Variants in ZNF354B observed in about 807,000 individuals in gnomAD.
The protein encoded by ZNF354B is zinc finger protein 354B.
ZNF354B carries 10 observed loss-of-function variants against 12.9 expected under a neutral mutation model. The ratio of observed to expected loss-of-function variants is 0.77; its 90% CI spans 0.48 to 1.31. The LOEUF (loss-of-function observed/expected upper bound fraction) is 1.31. ZNF354B is among the 40% of genes most tolerant of loss of function. ZNF354B has a pLI of 0.00. For synonymous variants in ZNF354B, 260 were observed against 243.7 expected (o/e 1.07, Z -0.62); for missense variants, 614 against 711.7 (o/e 0.86, Z 1.56).
chr5:178,874,783 T>G (rs2114019957), intron 4 of ZNF354B, among the ~76,000 whole-genome samples: 1 of 152,336 alleles, frequency 6.6e-6, no homozygotes, highest in South Asian at 2.1e-4. Context: ...TGCAGTCTTT[T>G]GGAGGAAAGA....
intron 2 of ZNF354B, 32 bp downstream of exon 2, chr5:178,861,112 A>C: frequency 1.3e-6 from 1 of 760,722 alleles, no homozygotes; most frequent in South Asian, 1.5e-5. Flanking sequence ...ATCCCAGTGG[A>C]TGGATTTTCC....
Position 178,866,386 on chromosome 5 carries a change from C to G in ZNF354B, c.160+16C>G, listed in dbSNP as rs747636612. The G allele has an allele frequency of 8.7e-6, 14 of 1,601,936 alleles. No homozygotes were observed. The highest frequency in any genetic ancestry group is 1.2e-5 in the Non-Finnish European group (14 of 1,174,360). On this transcript the variant is annotated intron_variant, in intron 3 of 4. Transcript: ENST00000322434. Reference sequence around the variant, plus strand: ...GTCTCACTGGGTAAGGAAATTTCCCCTCTAGAAACAGAATTCAAAAATTGG... The same window carrying G: ...GTCTCACTGGGTAAGGAAATTTCCCGTCTAGAAACAGAATTCAAAAATTGG...
intron 4 of ZNF354B, among the ~76,000 whole-genome samples, chr5:178,881,888 A>G (rs1280856316): frequency 6.6e-6 from 1 of 152,188 alleles, no homozygotes; most frequent in Admixed American, 6.5e-5. Context: ...ACTTTTTAAT[A>G]TTATCTGCAA....
intron 4 of ZNF354B, among the ~76,000 whole-genome samples, chr5:178,871,367 C>T (rs1042210829): frequency 6.6e-6 from 1 of 152,198 alleles, no homozygotes; most frequent in African/African-American, 2.4e-5. Flanking sequence ...GTCATGCGTC[C>T]ATGTGGCTCA....
intron 4 of ZNF354B, among the ~76,000 whole-genome samples, chr5:178,871,789 T>G (rs1034058512): frequency 2.0e-5 from 3 of 152,182 alleles, no homozygotes; most frequent in Admixed American, 6.5e-5. Flanking sequence ...CTTGTTTTGT[T>G]TCTGGTTTGT....
intron 4 of ZNF354B, among the ~76,000 whole-genome samples, chr5:178,882,494 TACAC>T (rs1757731153): frequency 6.6e-6 from 1 of 152,232 alleles, no homozygotes; most frequent in African/African-American, 2.4e-5. Flanking sequence ...TGGTCACTCT[TACAC>T]ACTCACCCGC....
rs1247732130 is a variant in ZNF354B at position 178,884,345 on chromosome 5, A to C, written c.*54A>C. 1 of 1,500,756 alleles carries C rather than the reference A, an allele frequency of 6.7e-7. No individual in the cohort carries two copies. The highest frequency in any genetic ancestry group is 2.3e-5 in the Admixed American group (1 of 43,746). 93.0% of individuals were successfully genotyped at this position (1,500,756 alleles called of 1,614,324 possible). Reference sequence around the variant, plus strand: ...TACATGCTTGAGAGTGATTTATTAAATATAATGAATATGAGAAAACTCTTA... The same window carrying C: ...TACATGCTTGAGAGTGATTTATTAACTATAATGAATATGAGAAAACTCTTA... On this transcript the variant is annotated 3_prime_UTR_variant, in exon 5 of 5. Coordinates refer to ENST00000322434, the MANE Select transcript of ZNF354B (RefSeq NM_058230.3).
At chr5:178,879,505 G>T (rs1215566920) in intron 4 of ZNF354B, among the ~76,000 whole-genome samples, 1 of 152,008 alleles carries the variant, frequency 6.6e-6, no homozygotes, top group Non-Finnish European at 1.5e-5. Flanking sequence ...TCAGCCTCCT[G>T]AGTAGCTGGG....
At position 178,867,079 on chromosome 5, in the gene ZNF354B, G is replaced by C. The variant is rs1214591065; in HGVS notation, c.256+8G>C. The C allele has an allele frequency of 6.2e-7, 1 of 1,610,098 alleles. No individual in the cohort carries two copies. Among genetic ancestry groups the C allele is most frequent in the Non-Finnish European group, 8.5e-7 (1 of 1,177,776 alleles). ...CTGGTGTCTCCTCTCTAGGTAAGTGGGTGGCCCGAGGTGCTCGGGAATGGC... is the reference window on the plus strand; with the variant it reads ...CTGGTGTCTCCTCTCTAGGTAAGTGCGTGGCCCGAGGTGCTCGGGAATGGC... On this transcript the variant is annotated splice_region_variant and intron_variant, in intron 4 of 4. Coordinates refer to ENST00000322434, the MANE Select transcript of ZNF354B (RefSeq NM_058230.3).
Position 178,879,842 on chromosome 5 carries a change from A to G in ZNF354B, c.257-2867A>G, listed in dbSNP as rs200562646. Among the ~76,000 whole-genome samples the G allele has an allele frequency of 7.9e-5, 12 of 152,318 alleles. No homozygotes were observed. The East Asian group carries it at 2.3e-3, about 29-fold the overall frequency. On this transcript the variant is annotated intron_variant, in intron 4 of 4. Transcript: ENST00000322434. ...TTCGAGTATATATAAAAGTAGAGAG[A>G]ATAGGCTGGGCGTGGTGGCTCAAGC...
intron 4 of ZNF354B, among the ~76,000 whole-genome samples, chr5:178,876,235 G>A (rs945160390): frequency 7.2e-5 from 11 of 152,184 alleles, no homozygotes; most frequent in Admixed American, 6.5e-5. Flanking sequence ...GTCCCAGGTC[G>A]GGAGGCCCTG....
chr5:178,875,066 G>C (rs1757616616), intron 4 of ZNF354B, among the ~76,000 whole-genome samples: 1 of 152,164 alleles, frequency 6.6e-6, no homozygotes, highest in Admixed American at 6.5e-5. Context: ...CCAGTAGGTA[G>C]GCTCTTACTC....
chr5:178,872,255 AT>A (rs113126400), intron 4 of ZNF354B, among the ~76,000 whole-genome samples: 23,006 of 148,256 alleles, frequency 0.16, 2,146 homozygotes, highest in African/African-American at 0.27. Flanking sequence ...ACGTTATGGG[AT>A]TTTTTTTTTT....
At chr5:178,862,468 G>A (rs778147351) in intron 2 of ZNF354B, among the ~76,000 whole-genome samples, 3 of 148,052 alleles carry the variant, frequency 2.0e-5, no homozygotes, top group African/African-American at 2.5e-5. Flanking sequence ...CCTGGTTCAA[G>A]CAATTCCCCT....
intron 2 of ZNF354B, among the ~76,000 whole-genome samples, chr5:178,865,336 C>T (rs759839658): frequency 1.3e-5 from 2 of 151,976 alleles, no homozygotes; most frequent in East Asian, 1.9e-4. Flanking sequence ...GGCATGATCT[C>T]GGCTCAGTGC....
At chr5:178,880,880 T>C (rs1757706785) in intron 4 of ZNF354B, among the ~76,000 whole-genome samples, 1 of 139,288 alleles carries the variant, frequency 7.2e-6, no homozygotes, top group Non-Finnish European at 1.5e-5. Context: ...TGCACTCTTG[T>C]TGCCCAGGCT....
At chr5:178,874,237 A>G (rs908044916) in intron 4 of ZNF354B, among the ~76,000 whole-genome samples, 3 of 152,142 alleles carry the variant, frequency 2.0e-5, no homozygotes, top group African/African-American at 7.2e-5. Context: ...GATTACAGGC[A>G]TGAGCCACCA....
rs1228865363 is a variant in ZNF354B, at chr5:178,883,463, C to T, written c.1011C>T (p.Tyr337=). The T allele has an allele frequency of 3.7e-6, 6 of 1,614,078 alleles. No individual in the cohort carries two copies. The highest frequency in any genetic ancestry group is 3.3e-5 in the Admixed American group (2 of 60,006). ...KYNPGRKASS[Y]STSLSGSQKI... ...ATCCAGGCAGGAAGGCATCCAGTTA[C>T]AGCACTTCCCTTTCTGGAAGTCAGA... is the stretch of plus-strand genomic sequence containing the variant. Residue 337 remains tyrosine (Y), a synonymous_variant, in exon 5 of 5, where the codon TAC becomes TAT. Coordinates refer to ENST00000322434, the MANE Select transcript of ZNF354B (RefSeq NM_058230.3).
intron 2 of ZNF354B, among the ~76,000 whole-genome samples, chr5:178,863,013 G>A (rs908874845): frequency 4.6e-5 from 7 of 152,202 alleles, no homozygotes; most frequent in Non-Finnish European, 8.8e-5. Flanking sequence ...CTGGGATCTT[G>A]GCTGCCCTGG....
Sources: allele counts gnomAD v4.1 joint callset (sites outside exome capture counted in the v4.1 genomes callset), GRCh38; gene constraint gnomAD v4.1.1; transcripts MANE v1.5; gene names NCBI Gene and HGNC (gene_info 2026-07-23, HGNC 2026-07-21).